The following MYRIP variants were observed in gnomAD, a reference collection of about 807,000 sequenced individuals.
The protein encoded by MYRIP is myosin VIIA and Rab interacting protein, also known as rab effector MyRIP.
MYRIP carries 49 observed loss-of-function variants against 98.0 expected under a neutral mutation model. The ratio of observed to expected loss-of-function variants is 0.50; its 90% CI spans 0.40 to 0.63. The LOEUF is 0.63. MYRIP is among the 30% of genes least tolerant of loss of function. MYRIP has a pLI of 0.00. For synonymous variants in MYRIP, 404 were observed against 409.5 expected, an observed-to-expected ratio of 0.99 and a Z score of 0.16; for missense variants, 1,004 against 1,058.2, an observed-to-expected ratio of 0.95 and a Z score of 0.71.
At chr3:39,820,130 G>A (rs1941060822) in intron 1 of MYRIP, among the ~76,000 whole-genome samples, 1 of 152,198 alleles carries the variant, frequency 6.6e-6, no homozygotes, top group African/African-American at 2.4e-5. Flanking sequence ...GGAAGGATGA[G>A]TGCCTGGAAA....
At chr3:40,062,444 T>C (rs570641270) in intron 3 of MYRIP, among the ~76,000 whole-genome samples, 174 of 152,258 alleles carry the variant, frequency 1.1e-3, no homozygotes, top group Non-Finnish European at 2.1e-3. Flanking sequence ...TACTTATTAT[T>C]AAAATGAGAA....
rs200984519 is a variant in MYRIP at position 40,129,466 on chromosome 3, A to C, written c.333-21582A>C. Among the ~76,000 whole-genome samples the C allele has an allele frequency of 6.8e-4, 94 of 138,542 alleles. No individual in the cohort carries two copies. In the East Asian group the frequency reaches 0.015, roughly 22 times the overall value. The allele number at this position is 138,542 out of a possible 152,430, so 90.9% of individuals were successfully genotyped here. A position where few individuals can be genotyped will look rare whatever the true frequency, so the allele number is the denominator to read the frequency against. On this transcript the variant is annotated intron_variant, in intron 3 of 16. Transcript: ENST00000302541. The stretch of plus-strand genomic sequence containing the variant: ...AAAAAAAAAAAAAAAAAAAAAAAAA[A>C]AAAAAAAAAATCATGCCACCTCCGA...
chr3:39,901,440 C>A (rs1481983690), intron 2 of MYRIP, among the ~76,000 whole-genome samples: 6 of 152,122 alleles, frequency 3.9e-5, no homozygotes, highest in African/African-American at 9.7e-5. Context: ...GAAGAGGAAA[C>A]TGAAGCCTGA....
chr3:40,168,424 C>G (rs1027241167), intron 7 of MYRIP, among the ~76,000 whole-genome samples: 4 of 152,194 alleles, frequency 2.6e-5, no homozygotes, highest in African/African-American at 9.7e-5. Context: ...GCAGAATCAT[C>G]GAACTCAAAG....
chr3:40,191,795 A>G (rs2125632307), intron 10 of MYRIP, among the ~76,000 whole-genome samples: 1 of 152,338 alleles, frequency 6.6e-6, no homozygotes. Context: ...AGTGTGAATC[A>G]TTATTGTCTA....
At chr3:40,184,195 C>T (rs978082238) in intron 9 of MYRIP, among the ~76,000 whole-genome samples, 1 of 152,158 alleles carries the variant, frequency 6.6e-6, no homozygotes, top group Non-Finnish European at 1.5e-5. Context: ...CTCTCTTCTT[C>T]CTCATTTTCT....
At chr3:39,948,774 A>G (rs368226074) in intron 2 of MYRIP, among the ~76,000 whole-genome samples, 2 of 152,254 alleles carry the variant, frequency 1.3e-5, no homozygotes, top group African/African-American at 4.8e-5. Flanking sequence ...ACAGTTGATG[A>G]AAGGCTCTGA....
At chr3:39,919,384 C>T (rs951893126) in intron 2 of MYRIP, among the ~76,000 whole-genome samples, 1 of 152,200 alleles carries the variant, frequency 6.6e-6, no homozygotes, top group South Asian at 2.1e-4. Flanking sequence ...TTTGGCTTGT[C>T]TCCCTTCTTG....
At chr3:39,878,737 G>A (rs1055804866) in intron 1 of MYRIP, among the ~76,000 whole-genome samples, 3 of 151,946 alleles carry the variant, frequency 2.0e-5, no homozygotes, top group African/African-American at 7.3e-5. Flanking sequence ...AATTGACTTT[G>A]ATGAAAAATA....
chr3:40,177,198 G>C (rs1467907122), intron 8 of MYRIP, among the ~76,000 whole-genome samples: 1 of 152,124 alleles, frequency 6.6e-6, no homozygotes, highest in African/African-American at 2.4e-5. Context: ...TCCTCAAGCT[G>C]TTCTCACCCT....
At chr3:40,196,243 T>A (rs1951389969) in intron 10 of MYRIP, among the ~76,000 whole-genome samples, 1 of 152,108 alleles carries the variant, frequency 6.6e-6, no homozygotes, top group Non-Finnish European at 1.5e-5. Flanking sequence ...CCTAGTCTGT[T>A]AATTTCTACT....
chr3:40,055,482 T>C (rs57626705), intron 3 of MYRIP, among the ~76,000 whole-genome samples: 15 of 152,214 alleles, frequency 9.9e-5, no homozygotes, highest in African/African-American at 3.4e-4. Flanking sequence ...CTCTTTAAAA[T>C]TGAGGCAACA....
At chr3:40,040,465 C>A (rs1244496580) in intron 2 of MYRIP, among the ~76,000 whole-genome samples, 2 of 91,288 alleles carry the variant, frequency 2.2e-5, no homozygotes, top group Non-Finnish European at 4.4e-5. Context: ...TTGACCCAGC[C>A]ATCCCATTAC....
intron 3 of MYRIP, among the ~76,000 whole-genome samples, chr3:40,148,057 A>G (rs1371945782): frequency 1.3e-5 from 2 of 152,246 alleles, no homozygotes; most frequent in Non-Finnish European, 1.5e-5. Context: ...TTGGCTGAAC[A>G]TAGAAGTCTA....
intron 3 of MYRIP, among the ~76,000 whole-genome samples, chr3:40,074,068 A>G (rs1211560241): frequency 7.0e-6 from 1 of 143,730 alleles, no homozygotes; most frequent in African/African-American, 2.6e-5. Context: ...CTGCTTGAAT[A>G]TTTAGAAACT....
chr3:39,850,434 C>T (rs372570969), intron 1 of MYRIP, among the ~76,000 whole-genome samples: 2 of 152,318 alleles, frequency 1.3e-5, no homozygotes, highest in African/African-American at 4.8e-5. Flanking sequence ...CTAGGAGAAC[C>T]TTCTGAGGTT....
chr3:40,248,890 T>A (rs1953284892), intron 13 of MYRIP, among the ~76,000 whole-genome samples: 1 of 152,240 alleles, frequency 6.6e-6, no homozygotes, highest in South Asian at 2.1e-4. Context: ...AAGTGGTGCC[T>A]TCTGGGGCTG....
intron 12 of MYRIP, among the ~76,000 whole-genome samples, chr3:40,236,294 C>T (rs1372130299): frequency 6.6e-6 from 1 of 152,176 alleles, no homozygotes; most frequent in East Asian, 1.9e-4. Context: ...CACAATTTTG[C>T]ATTTCTAATA....
At chr3:40,252,264 T>G (rs1204282178) in intron 16 of MYRIP, among the ~76,000 whole-genome samples, 4 of 152,156 alleles carry the variant, frequency 2.6e-5, no homozygotes, top group African/African-American at 4.8e-5. Flanking sequence ...TACTAATAAC[T>G]TTCTACGCAA....
Sources: allele counts gnomAD v4.1 joint callset (sites outside exome capture counted in the v4.1 genomes callset), GRCh38; gene constraint gnomAD v4.1.1; transcripts MANE v1.5; gene names NCBI Gene and HGNC (gene_info 2026-07-23, HGNC 2026-07-21).